The following FAM76B variants were observed in gnomAD, a reference collection of about 807,000 sequenced individuals.
FAM76B encodes the protein protein FAM76B.
A neutral mutation model predicts 51.8 loss-of-function variants in FAM76B; 16 were observed. The ratio of observed to expected loss-of-function variants is 0.31; its 90% CI spans 0.21 to 0.47. The LOEUF (loss-of-function observed/expected upper bound fraction) is 0.47, where lower values mean the gene tolerates loss of function less well. FAM76B is among the 20% of genes least tolerant of loss of function. The pLI is 1.00. For synonymous variants in FAM76B, 166 were observed against 129.5 expected (o/e 1.28, Z -1.91); for missense variants, 342 against 392.6 (o/e 0.87, Z 1.09).
intron 1 of FAM76B, 153 bp downstream of exon 1, chr11:95,789,239 C>A (rs1860829653): frequency 2.0e-6 from 2 of 988,094 alleles, no homozygotes; most frequent in African/African-American, 1.6e-5. Flanking sequence ...TTCAAGCCCC[C>A]AGAAAAAGGG....
chr11:95,780,598 C>T lies in FAM76B; in HGVS notation c.564-672G>A, dbSNP rs535433900. On this transcript the variant is annotated intron_variant, in intron 5 of 9. Transcript: ENST00000358780. ...ACTTTATAATTCATCATGAATCCTT[C>T]ATTTTTTTCCTCCTAAACTTGCATA... 9.9e-5 allele frequency among the ~76,000 whole-genome samples: 15 copies of T among 151,944 alleles called. 1 individual carries two copies. Among genetic ancestry groups the T allele is most frequent in the Middle Eastern group, 3.2e-3 (1 of 316 alleles).
chr11:95,779,343 A>C, intron 7 of FAM76B: 1 of 516,784 alleles, frequency 1.9e-6, no homozygotes, highest in Non-Finnish European at 3.3e-6. Flanking sequence ...CTGAAGAATA[A>C]AGATAAAAAT....
At chr11:95,780,025 A>G (rs1860188461) in intron 5 of FAM76B, 99 bp from the exon 6 acceptor site, 5 of 1,140,406 alleles carry the variant, frequency 4.4e-6, no homozygotes, top group Admixed American at 2.5e-5. Flanking sequence ...TATGTTTATA[A>G]TATTTTCTTC....
chr11:95,787,510 G>GATTTTTTTTTTTT, intron 3 of FAM76B, 114 bp downstream of exon 3: 1 of 987,648 alleles, frequency 1.0e-6, no homozygotes, highest in Non-Finnish European at 1.5e-6. Context: ...AAAGTGCTGG[G>GATTTTTTTTTTTT]ATTACAGGCG....
intron 9 of FAM76B, among the ~76,000 whole-genome samples, chr11:95,775,233 A>T (rs61902241): frequency 0.065 from 9,849 of 151,496 alleles, 404 homozygotes; most frequent in Middle Eastern, 0.13. Context: ...GAAACCTAGA[A>T]GAGAAGCAGC....
chr11:95,779,654 A>C lies in FAM76B; in HGVS notation c.645T>G (p.Thr215=), dbSNP rs1860167535. ...ATTCCAATTTGGGCTTTTTCTTTGG[A>C]GTTTCATTCTGAATTGTTGCAGAGG... ...HKSSATIQNE[T]PKKKPKLESK... is the part of the protein sequence containing the mutation. Residue 215 remains threonine, a synonymous_variant, in exon 7 of 10, where the codon ACT becomes ACG. Transcript: ENST00000358780. The C allele has an allele frequency of 6.2e-7, 1 of 1,610,014 alleles. No homozygotes were observed. The highest frequency in any genetic ancestry group is 1.1e-5 in the South Asian group (1 of 90,712).
intron 5 of FAM76B, among the ~76,000 whole-genome samples, chr11:95,782,400 A>G (rs1158247320): frequency 6.6e-6 from 1 of 152,130 alleles, no homozygotes; most frequent in East Asian, 1.9e-4. Flanking sequence ...CTTTTCCTAT[A>G]GGCAGGTTCC....
chr11:95,782,934 CACT>C (rs1428200136), intron 5 of FAM76B, 128 bp downstream of exon 5: 4 of 1,114,512 alleles, frequency 3.6e-6, no homozygotes, highest in African/African-American at 3.1e-5. Context: ...CAGCCTTAGA[CACT>C]CAAGATGCTT....
intron 5 of FAM76B, among the ~76,000 whole-genome samples, chr11:95,781,090 T>C (rs1449515413): frequency 6.6e-6 from 1 of 151,954 alleles, no homozygotes; most frequent in Non-Finnish European, 1.5e-5. Context: ...CTTTTTTTTT[T>C]TTCCCACAAA....
At chr11:95,779,085 A>C in intron 7 of FAM76B, 128 bp from the exon 8 acceptor site, 1 of 1,589,064 alleles carries the variant, frequency 6.3e-7, no homozygotes, top group Non-Finnish European at 8.5e-7. Context: ...TACCTGACAG[A>C]AATGGATGCA....
At chr11:95,775,555 T>C (rs1380050292) in intron 9 of FAM76B, among the ~76,000 whole-genome samples, 1 of 151,474 alleles carries the variant, frequency 6.6e-6, no homozygotes, top group Non-Finnish European at 1.5e-5. Flanking sequence ...GAAGGAAATA[T>C]TAATGTGAGG....
In FAM76B at chr11:95,773,014, T is replaced by G. The variant is rs559019961; in HGVS notation, c.931-1364A>C. Among the ~76,000 whole-genome samples, 3 of 151,120 alleles carry G rather than the reference T, an allele frequency of 2.0e-5. No individual in the cohort carries two copies. In the East Asian group the frequency reaches 5.8e-4, roughly 29 times the overall value. On this transcript the variant is annotated intron_variant, in intron 9 of 9. Transcript: ENST00000358780. ...TCAAATTCAGTATCAATTTCAAATT[T>G]TGAGTCTGCAAATTTGACTCAAAAA... is the stretch of plus-strand genomic sequence containing the variant.
At chr11:95,789,033 G>A (rs1433638881) in intron 1 of FAM76B, 8 of 1,380,726 alleles carry the variant, frequency 5.8e-6, no homozygotes, top group Non-Finnish European at 7.6e-6. Context: ...CCTCCTGGTG[G>A]AAGAAGAGGA....
Position 95,788,427 on chromosome 11 carries a change from G to T in FAM76B, c.152+72C>A, listed in dbSNP as rs565126433. 42 of 1,218,082 alleles carry T rather than the reference G, an allele frequency of 3.4e-5. No individual in the cohort carries two copies. The African/African-American group carries it at 6.3e-4, about 18-fold the overall frequency. 75.5% of individuals were successfully genotyped at this position (1,218,082 alleles called of 1,614,324 possible). On this transcript the variant is annotated intron_variant, in intron 2 of 9. Transcript: ENST00000358780. ...TAAAAATACTTTCATAAAAACATGG[G>T]ATTACAACCCCCAAGTATTCCATAA...
At chr11:95,785,740 T>C (rs933248092) in intron 4 of FAM76B, among the ~76,000 whole-genome samples, 3 of 152,190 alleles carry the variant, frequency 2.0e-5, no homozygotes, top group South Asian at 2.1e-4. Context: ...TGAGCCTTTA[T>C]CAAAAGGCAC....
intron 4 of FAM76B, 91 bp downstream of exon 4, chr11:95,786,028 T>G: frequency 6.8e-7 from 1 of 1,461,180 alleles, no homozygotes; most frequent in Non-Finnish European, 9.2e-7. Context: ...AAAGAATAGA[T>G]CCAGTCTCAG....
At chr11:95,780,937 A>C (rs1046800693) in intron 5 of FAM76B, among the ~76,000 whole-genome samples, 2 of 152,068 alleles carry the variant, frequency 1.3e-5, no homozygotes, top group Admixed American at 6.6e-5. Context: ...GAAGTTTTTT[A>C]AGCAAAAGAA....
rs980128290 is a variant in FAM76B, at chr11:95,789,636, G to A, written c.-158C>T. 6 of 559,744 alleles carry A rather than the reference G, an allele frequency of 1.1e-5. No individual in the cohort carries two copies. The highest frequency in any genetic ancestry group is 1.0e-4 in the African/African-American group (5 of 49,490). 34.7% of individuals were successfully genotyped at this position (559,744 alleles called of 1,614,324 possible). A position where few individuals can be genotyped will look rare whatever the true frequency, so the allele number is the denominator to read the frequency against. ...TCGCCGCGAGAGCCCAGGGCCCCGCGGACGACGCCACCGTCTCCCTCCGCC... is the reference window on the plus strand; with the variant it reads ...TCGCCGCGAGAGCCCAGGGCCCCGCAGACGACGCCACCGTCTCCCTCCGCC... On this transcript the variant is annotated 5_prime_UTR_variant, in exon 1 of 10. Coordinates refer to ENST00000358780, the MANE Select transcript of FAM76B (RefSeq NM_144664.5).
intron 2 of FAM76B, among the ~76,000 whole-genome samples, chr11:95,788,107 G>A (rs184823459): frequency 9.5e-4 from 144 of 152,218 alleles, no homozygotes; most frequent in Non-Finnish European, 1.5e-3. Flanking sequence ...AAAATGTTAC[G>A]TACTACTCCT....
Sources: allele counts gnomAD v4.1 joint callset (sites outside exome capture counted in the v4.1 genomes callset), GRCh38; gene constraint gnomAD v4.1.1; transcripts MANE v1.5; gene names NCBI Gene and HGNC (gene_info 2026-07-23, HGNC 2026-07-21).